UBR2: variants seen among roughly 807,000 people sequenced by gnomAD.
The protein encoded by UBR2 is ubiquitin protein ligase E3 component n-recognin 2, also known as E3 ubiquitin-protein ligase UBR2.
In UBR2, 92 loss-of-function variants were observed where a neutral mutation model predicts 247.9. The ratio of observed to expected loss-of-function variants is 0.37; its 90% CI spans 0.31 to 0.44. The LOEUF (loss-of-function observed/expected upper bound fraction) is 0.44, where lower values mean the gene tolerates loss of function less well. UBR2 is among the 20% of genes least tolerant of loss of function. The pLI is 1.00. For synonymous variants in UBR2, 672 were observed against 693.5 expected (o/e 0.97, Z 0.49); for missense variants, 1,613 against 2,112.6 (o/e 0.76, Z 4.64).
intron 34 of UBR2, among the ~76,000 whole-genome samples, chr6:42,666,792 A>G (rs539296586): frequency 6.6e-6 from 1 of 152,204 alleles, no homozygotes; most frequent in Non-Finnish European, 1.5e-5. Flanking sequence ...TTTCCACCCT[A>G]TTTTACCCCA....
At chr6:42,602,058 G>A (rs564151395) in intron 4 of UBR2, among the ~76,000 whole-genome samples, 1 of 150,848 alleles carries the variant, frequency 6.6e-6, no homozygotes, top group South Asian at 2.1e-4. Flanking sequence ...TAGTAGAGAT[G>A]AGGTTTCACC....
At chr6:42,665,972 T>C (rs1798084091) in intron 33 of UBR2, among the ~76,000 whole-genome samples, 195 bp from the exon 34 acceptor site, 2 of 152,196 alleles carry the variant, frequency 1.3e-5, no homozygotes, top group South Asian at 4.1e-4. Context: ...GTGGCTGTAC[T>C]ATAAGGAAAA....
At chr6:42,635,644 G>C (rs1239581172) in intron 14 of UBR2, 98 bp downstream of exon 14, 1 of 1,400,932 alleles carries the variant, frequency 7.1e-7, no homozygotes, top group Admixed American at 2.0e-5. Flanking sequence ...AGAAAATAGT[G>C]GTGATACTTA....
intron 2 of UBR2, among the ~76,000 whole-genome samples, chr6:42,576,632 T>C (rs112469310): frequency 0.022 from 3,310 of 150,360 alleles, 112 homozygotes; most frequent in African/African-American, 0.076. Context: ...CGGATTCAAG[T>C]GATTCTCCTG....
intron 42 of UBR2, among the ~76,000 whole-genome samples, chr6:42,682,465 C>CT (rs1799114766): frequency 6.6e-6 from 1 of 151,534 alleles, no homozygotes; most frequent in Non-Finnish European, 1.5e-5. Flanking sequence ...AAGTCTCACT[C>CT]TGTCACCCAG....
At position 42,685,610 on chromosome 6, in the gene UBR2, A is replaced by C. The variant is rs546650380; in HGVS notation, c.4853+739A>C. 2.0e-5 allele frequency among the ~76,000 whole-genome samples: 3 copies of C among 152,006 alleles called. No homozygotes were observed. In the East Asian group the frequency reaches 5.8e-4, roughly 30 times the overall value. ...CTCCTGAGTAGCTGGGATTACAGGC[A>C]TGCACCACAACGCCCAGCTAATTTT... On this transcript the variant is annotated intron_variant, in intron 44 of 46. Coordinates refer to ENST00000372901, the MANE Select transcript of UBR2 (RefSeq NM_001363705.2).
chr6:42,688,220 C>G lies in UBR2; in HGVS notation c.4858C>G (p.Pro1620Ala). 6.2e-7 allele frequency: 1 copy of G among 1,614,094 alleles called. No individual in the cohort carries two copies. The highest frequency in any genetic ancestry group is 1.1e-5 in the South Asian group (1 of 91,076). Reference protein sequence around the residue: ...LINQASNFSCPKSGGDKSRAP... With the variant: ...LINQASNFSCAKSGGDKSRAP... ...TGGGTTTTTTATCCCTTGGAGGTGCCCGAAATCAGGTGGTGATAAGAGCAG... is the reference window on the plus strand; with the variant it reads ...TGGGTTTTTTATCCCTTGGAGGTGCGCGAAATCAGGTGGTGATAAGAGCAG... The change falls in exon 45 of 47, where the codon CCG (proline) becomes GCG (alanine). Residue 1620 changes from proline to alanine, a missense_variant. Pro to Ala is a conservative substitution (Grantham distance 27). Coordinates refer to ENST00000372901, the MANE Select transcript of UBR2 (RefSeq NM_001363705.2).
Position 42,636,994 on chromosome 6 carries a change from A to T in UBR2, c.1675-17A>T, listed in dbSNP as rs760093004. ...CTCAACCTTTTGAGTAACTTACAGA[A>T]AAACCCTCTTTTTTAGGAAAAAGTG... On this transcript the variant is annotated splice_polypyrimidine_tract_variant and intron_variant, in intron 14 of 46. Transcript: ENST00000372901. 5.0e-6 allele frequency: 8 copies of T among 1,599,536 alleles called. No individual in the cohort carries two copies. The South Asian group carries it at 9.0e-5, about 18-fold the overall frequency.
chr6:42,693,215 G>A lies in UBR2; in HGVS notation c.*2042G>A, dbSNP rs1029465197. 1 of 152,158 alleles carries A rather than the reference G, an allele frequency of 6.6e-6. No individual in the cohort carries two copies. Among genetic ancestry groups the A allele is most frequent in the Non-Finnish European group, 1.5e-5 (1 of 68,028 alleles). The allele number at this position is 152,158 out of a possible 1,614,324, so 9.4% of individuals were successfully genotyped here. On this transcript the variant is annotated 3_prime_UTR_variant, in exon 47 of 47. Transcript: ENST00000372901. Reference sequence around the variant, plus strand: ...TCTCTGAGAATATCACAGAGCCTGGGAGAAGATGAATTTACATGAAATTGC... The same window carrying A: ...TCTCTGAGAATATCACAGAGCCTGGAAGAAGATGAATTTACATGAAATTGC...
intron 15 of UBR2, among the ~76,000 whole-genome samples, chr6:42,638,216 T>A (rs976198100): frequency 3.9e-5 from 6 of 152,176 alleles, no homozygotes; most frequent in Non-Finnish European, 2.9e-5. Flanking sequence ...TCTCCTTGTG[T>A]GAGTTTTGGT....
intron 11 of UBR2, among the ~76,000 whole-genome samples, chr6:42,621,783 T>G (rs536668910): frequency 1.3e-5 from 2 of 152,210 alleles, no homozygotes; most frequent in East Asian, 3.9e-4. Context: ...TCTTAATCCT[T>G]TGTATTTCTG....
At chr6:42,604,609 G>A (rs1200771288) in intron 5 of UBR2, among the ~76,000 whole-genome samples, 2 of 152,044 alleles carry the variant, frequency 1.3e-5, no homozygotes, top group African/African-American at 4.8e-5. Context: ...CCCCCTAACT[G>A]GACTGCCGTG....
chr6:42,582,576 C>G (rs759988507), intron 2 of UBR2, among the ~76,000 whole-genome samples: 3 of 151,998 alleles, frequency 2.0e-5, no homozygotes, highest in Non-Finnish European at 4.4e-5. Flanking sequence ...TAGTAATGTA[C>G]GAAAGTTCCT....
chr6:42,603,025 T>TA (rs1793485612), intron 4 of UBR2, among the ~76,000 whole-genome samples: 1 of 152,206 alleles, frequency 6.6e-6, no homozygotes, highest in Non-Finnish European at 1.5e-5. Flanking sequence ...CTCTCACTCT[T>TA]ACGTCTAGTG....
intron 42 of UBR2, among the ~76,000 whole-genome samples, chr6:42,682,756 A>G (rs1015098704): frequency 3.9e-5 from 6 of 152,190 alleles, no homozygotes; most frequent in African/African-American, 1.4e-4. Flanking sequence ...GCTCCAGATA[A>G]TGTTAGCTTG....
chr6:42,603,280 T>C (rs571428799), intron 4 of UBR2, among the ~76,000 whole-genome samples: 1 of 152,366 alleles, frequency 6.6e-6, no homozygotes, highest in African/African-American at 2.4e-5. Flanking sequence ...AAAATTGGTT[T>C]GATGTTAAGT....
intron 7 of UBR2, among the ~76,000 whole-genome samples, chr6:42,610,245 A>G (rs1452322360): frequency 1.3e-5 from 2 of 152,240 alleles, no homozygotes; most frequent in Non-Finnish European, 2.9e-5. Context: ...TAGGAAGGTA[A>G]AATGGTATAG....
At chr6:42,649,574 C>T (rs1796990050) in intron 22 of UBR2, among the ~76,000 whole-genome samples, 1 of 152,094 alleles carries the variant, frequency 6.6e-6, no homozygotes, top group Non-Finnish European at 1.5e-5. Context: ...TAAAGAGTGC[C>T]CTGCAACTTT....
intron 25 of UBR2, 87 bp downstream of exon 25, chr6:42,652,732 T>A: frequency 8.2e-7 from 1 of 1,218,254 alleles, no homozygotes; most frequent in Non-Finnish European, 1.1e-6. Flanking sequence ...ACAGGAAAAC[T>A]AGGCCGAAAT....
Sources: gnomAD v4.1 joint callset for allele counts (sites outside exome capture counted in the v4.1 genomes callset) on GRCh38, gnomAD v4.1.1 for gene constraint, MANE v1.5 for transcripts, NCBI Gene and HGNC (gene_info 2026-07-23, HGNC 2026-07-21) for gene names.